The following IQCE variants were observed in gnomAD, a reference collection of about 807,000 sequenced individuals.
IQCE encodes IQ domain-containing protein E.
In IQCE, 115 loss-of-function variants were observed where a neutral mutation model predicts 96.0. The ratio of observed to expected loss-of-function variants is 1.20; its 90% CI spans 1.03 to 1.40. The LOEUF is 1.40. IQCE is among the 40% of genes most tolerant of loss of function. The pLI is 0.00. For missense variants in IQCE, 1,041 were observed against 909.1 expected (o/e 1.15, Z -1.87); for synonymous variants, 412 against 371.2 (o/e 1.11, Z -1.26).
rs186165239 is a variant in IQCE, at chr7:2,576,012, T to C, written c.466-2230T>C. On this transcript the variant is annotated intron_variant, in intron 6 of 21. Coordinates refer to ENST00000402050, the MANE Select transcript of IQCE (RefSeq NM_152558.5). ...CCGTTACTAGAGCTCCCATCTTCCTTGACTGCTGGGCCTTCGCTAATTTAC... is the reference window on the plus strand; with the variant it reads ...CCGTTACTAGAGCTCCCATCTTCCTCGACTGCTGGGCCTTCGCTAATTTAC... Among the ~76,000 whole-genome samples the C allele has an allele frequency of 9.8e-5, 15 of 152,364 alleles. No homozygotes were observed. In the East Asian group the frequency reaches 2.9e-3, roughly 29 times the overall value.
intron 6 of IQCE, 35 bp downstream of exon 6, chr7:2,573,523 C>G (rs142544307): frequency 8.9e-7 from 1 of 1,125,012 alleles, no homozygotes. Context: ...TGATTTGAAA[C>G]GGTGAAAGCT....
At chr7:2,597,679 C>G (rs1234266319) in intron 16 of IQCE, among the ~76,000 whole-genome samples, 2 of 152,014 alleles carry the variant, frequency 1.3e-5, no homozygotes, top group East Asian at 1.9e-4. Flanking sequence ...TTTCTTTTTT[C>G]TTTTTAGAGA....
chr7:2,605,602 A>G (rs1784750706), intron 19 of IQCE, among the ~76,000 whole-genome samples: 1 of 152,080 alleles, frequency 6.6e-6, no homozygotes, highest in East Asian at 1.9e-4. Context: ...CCTGGGCAAC[A>G]GAGCGAGACT....
chr7:2,609,968 CAG>C (rs2128475544), intron 21 of IQCE, 74 bp from the exon 22 acceptor site: 1 of 783,496 alleles, frequency 1.3e-6, no homozygotes, highest in Non-Finnish European at 2.2e-6. Flanking sequence ...GAAGAGCAGA[CAG>C]TGTAAGGGTG....
At chr7:2,604,277 C>T (rs1002376229) in intron 18 of IQCE, among the ~76,000 whole-genome samples, 4 of 152,060 alleles carry the variant, frequency 2.6e-5, no homozygotes, top group Non-Finnish European at 5.9e-5. Context: ...GTGTGCCGTG[C>T]CCAGCTAATT....
At chr7:2,595,257 T>G (rs144738121) in intron 16 of IQCE, among the ~76,000 whole-genome samples, 1 of 152,194 alleles carries the variant, frequency 6.6e-6, no homozygotes, top group Non-Finnish European at 1.5e-5. Context: ...GGTGTAGTTA[T>G]GCGGCCGGAG....
intron 14 of IQCE, among the ~76,000 whole-genome samples, chr7:2,592,276 C>T (rs893128998): frequency 2.0e-5 from 3 of 152,218 alleles, no homozygotes; most frequent in Non-Finnish European, 4.4e-5. Flanking sequence ...TAGTATTTCA[C>T]GACAAGCTTT....
intron 18 of IQCE, among the ~76,000 whole-genome samples, chr7:2,603,170 C>T (rs1032938344): frequency 8.5e-5 from 13 of 152,150 alleles, no homozygotes; most frequent in Admixed American, 3.9e-4. Flanking sequence ...GCCCTCATCC[C>T]GAGGTCTCCA....
At position 2,572,289 on chromosome 7, in the gene IQCE, A is replaced by T. The variant is rs745471874; in HGVS notation, c.357A>T (p.Arg119Ser). ...GTPDCLTDTF[R>S]VKRPHLRRSA... ...CTGACTGTCTGACAGACACCTTCAG[A>T]GTGAAGAGGCCACATCTCAGGCGCT... Residue 119 changes from arginine to serine, a missense_variant, in exon 5 of 22, where the codon AGA (arginine) becomes AGT (serine). Coordinates refer to ENST00000402050, the MANE Select transcript of IQCE (RefSeq NM_152558.5). The T allele has an allele frequency of 6.2e-7, 1 of 1,614,148 alleles. No homozygotes were observed. The highest frequency in any genetic ancestry group is 1.7e-5 in the Admixed American group (1 of 60,030).
In IQCE at chr7:2,614,248, T is replaced by G. The variant is rs1785211740; in HGVS notation, c.*4086T>G. The G allele has an allele frequency of 6.6e-6, 1 of 152,230 alleles. No individual in the cohort carries two copies. Among genetic ancestry groups the G allele is most frequent in the South Asian group, 2.1e-4 (1 of 4,832 alleles). 9.4% of individuals were successfully genotyped at this position (152,230 alleles called of 1,614,324 possible). A position where few individuals can be genotyped will look rare whatever the true frequency, so the allele number is the denominator to read the frequency against. ...AACCTGCAGAAAGCACCGATAACCTTCAAGATCTGAATGAGATTCTATTAT... is the reference window on the plus strand; with the variant it reads ...AACCTGCAGAAAGCACCGATAACCTGCAAGATCTGAATGAGATTCTATTAT... On this transcript the variant is annotated 3_prime_UTR_variant, in exon 22 of 22. Coordinates refer to ENST00000402050, the MANE Select transcript of IQCE (RefSeq NM_152558.5).
chr7:2,583,574 C>T, intron 9 of IQCE, 63 bp from the exon 10 acceptor site: 12 of 1,290,628 alleles, frequency 9.3e-6, no homozygotes, highest in Non-Finnish European at 1.3e-5. Flanking sequence ...GGAAACTCTT[C>T]CTCTTGCTCT....
At chr7:2,560,313 A>T (rs1343361794) in intron 1 of IQCE, among the ~76,000 whole-genome samples, 1 of 152,256 alleles carries the variant, frequency 6.6e-6, no homozygotes, top group African/African-American at 2.4e-5. Flanking sequence ...CATGAGCCTG[A>T]CTATGGGGAG....
intron 11 of IQCE, among the ~76,000 whole-genome samples, chr7:2,585,695 G>A (rs1381904507): frequency 3.9e-5 from 6 of 152,264 alleles, no homozygotes; most frequent in Admixed American, 1.3e-4. Context: ...AGCTGGGAAC[G>A]TGCGCGCCAG....
chr7:2,595,611 G>C (rs1326530041), intron 16 of IQCE, among the ~76,000 whole-genome samples: 1 of 152,210 alleles, frequency 6.6e-6, no homozygotes, highest in Non-Finnish European at 1.5e-5. Flanking sequence ...GAGGTCCCTG[G>C]CTCTCTGCTG....
intron 3 of IQCE, among the ~76,000 whole-genome samples, chr7:2,570,459 G>A (rs2917752): frequency 6.6e-6 from 1 of 151,184 alleles, no homozygotes; most frequent in Admixed American, 6.6e-5. Context: ...GAGACTATCT[G>A]GGAGGCCAGG....
chr7:2,560,817 C>A (rs1462832003), intron 1 of IQCE, among the ~76,000 whole-genome samples: 3 of 150,760 alleles, frequency 2.0e-5, no homozygotes, highest in Non-Finnish European at 4.4e-5. Context: ...ATTAGCCGGG[C>A]GTGGTGGCGG....
At chr7:2,579,713 G>C (rs548082401) in intron 8 of IQCE, among the ~76,000 whole-genome samples, 1 of 131,300 alleles carries the variant, frequency 7.6e-6, no homozygotes, top group African/African-American at 3.1e-5. Context: ...GTGTGTGTGT[G>C]TGTGTGTGTG....
intron 6 of IQCE, among the ~76,000 whole-genome samples, chr7:2,577,511 C>T (rs1251390807): frequency 8.7e-6 from 1 of 114,426 alleles, no homozygotes; most frequent in Admixed American, 9.4e-5. Flanking sequence ...GCTGTGTGTG[C>T]GGGGACGTGT....
chr7:2,588,901 A>G (rs1224852042), intron 13 of IQCE, among the ~76,000 whole-genome samples: 2 of 151,492 alleles, frequency 1.3e-5, no homozygotes, highest in Admixed American at 1.3e-4. Flanking sequence ...CCTGACTTCA[A>G]GTGATCTGCC....
Sources: gnomAD v4.1 joint callset for allele counts (sites outside exome capture counted in the v4.1 genomes callset) on GRCh38, gnomAD v4.1.1 for gene constraint, MANE v1.5 for transcripts, NCBI Gene and HGNC (gene_info 2026-07-23, HGNC 2026-07-21) for gene names.